UGT1A6: variants seen among roughly 807,000 people sequenced by gnomAD.
UGT1A6 encodes UDP glucuronosyltransferase family 1 member A6, also known as UDP-glucuronosyltransferase 1A6.
UGT1A6 carries 32 observed loss-of-function variants against 44.4 expected under a neutral mutation model. That is an observed-to-expected ratio of 0.72 (90% CI 0.54 to 0.97). The LOEUF (loss-of-function observed/expected upper bound fraction) is 0.97, where lower values mean the gene tolerates loss of function less well. Ranked by LOEUF, UGT1A6 falls within the 50% of genes least tolerant of loss-of-function variation. UGT1A6 has a pLI of 0.00. For synonymous variants in UGT1A6, 238 were observed against 248.5 expected (o/e 0.96, Z 0.40); for missense variants, 685 against 661.9 (o/e 1.03, Z -0.38).
At chr2:233,719,060 T>C in intron 1 of UGT1A6, 1 of 1,614,258 alleles carries the variant, frequency 6.2e-7, no homozygotes, top group East Asian at 2.2e-5. Flanking sequence ...TGACAGCCTA[T>C]GCTGTTCCAT....
At chr2:233,699,885 G>A (rs2075529887) in intron 1 of UGT1A6, among the ~76,000 whole-genome samples, 1 of 152,260 alleles carries the variant, frequency 6.6e-6, no homozygotes, top group South Asian at 2.1e-4. Flanking sequence ...TGTTGCAATT[G>A]GAGAGGCGAA....
chr2:233,761,077 T>A, intron 1 of UGT1A6: 1 of 1,614,202 alleles, frequency 6.2e-7, no homozygotes, highest in Non-Finnish European at 8.5e-7. Flanking sequence ...TGTGAAGGAT[T>A]ACCCTAGGCC....
chr2:233,715,509 C>G (rs991063274), intron 1 of UGT1A6, among the ~76,000 whole-genome samples: 3 of 152,138 alleles, frequency 2.0e-5, no homozygotes, highest in African/African-American at 7.2e-5. Context: ...GGGTAGCTCA[C>G]ACCTGTAATT....
chr2:233,720,944 CAT>C (rs1354366294), intron 1 of UGT1A6, among the ~76,000 whole-genome samples: 52 of 150,934 alleles, frequency 3.4e-4, no homozygotes, highest in African/African-American at 1.1e-3. Flanking sequence ...CTCCTGACCT[CAT>C]GTGATCTGCC....
intron 1 of UGT1A6, chr2:233,729,105 G>A (rs779665217): frequency 1.9e-6 from 3 of 1,612,662 alleles, no homozygotes; most frequent in East Asian, 4.5e-5. Context: ...TGGACAGTCA[G>A]CTGTCCGTGT....
chr2:233,744,239 T>C (rs1275088982), intron 1 of UGT1A6, among the ~76,000 whole-genome samples: 1 of 151,842 alleles, frequency 6.6e-6, no homozygotes, highest in Non-Finnish European at 1.5e-5. Flanking sequence ...GCCTTGACTT[T>C]GGCTGCCTGA....
intron 1 of UGT1A6, among the ~76,000 whole-genome samples, chr2:233,745,315 A>G (rs1693069084): frequency 2.0e-5 from 3 of 151,844 alleles, no homozygotes; most frequent in African/African-American, 4.9e-5. Flanking sequence ...GATTATTTCC[A>G]CTAGAACTGC....
At chr2:233,726,567 G>A (rs142621262) in intron 1 of UGT1A6, among the ~76,000 whole-genome samples, 285 of 152,062 alleles carry the variant, frequency 1.9e-3, no homozygotes, top group African/African-American at 5.9e-3. Context: ...CCACTCTTAC[G>A]CCTGTCTCCT....
chr2:233,713,358 A>T, intron 1 of UGT1A6: 1 of 1,614,168 alleles, frequency 6.2e-7, no homozygotes, highest in Non-Finnish European at 8.5e-7. Context: ...TATGTCTTTG[A>T]TCATACATAG....
intron 1 of UGT1A6, among the ~76,000 whole-genome samples, chr2:233,731,009 C>T (rs868145572): frequency 3.3e-5 from 5 of 152,260 alleles, no homozygotes; most frequent in Middle Eastern, 3.4e-3. Flanking sequence ...CCATGTACAT[C>T]GTGAGAGAAT....
chr2:233,760,873 C>G, intron 1 of UGT1A6: 1 of 1,614,194 alleles, frequency 6.2e-7, no homozygotes, highest in South Asian at 1.1e-5. Context: ...CGTGCCCAGG[C>G]CTCTCTCCTC....
chr2:233,766,265 G>A (rs1699086397), intron 1 of UGT1A6, among the ~76,000 whole-genome samples: 1 of 67,776 alleles, frequency 1.5e-5, no homozygotes, highest in Admixed American at 1.4e-4. Flanking sequence ...TCAGTGGCCC[G>A]GGCTCGGTGG....
At chr2:233,699,564 G>T (rs757695446) in intron 1 of UGT1A6, among the ~76,000 whole-genome samples, 1 of 152,214 alleles carries the variant, frequency 6.6e-6, no homozygotes, top group Admixed American at 6.5e-5. Context: ...CATGGCCAGA[G>T]CTCTGGCTCT....
chr2:233,714,641 A>G (rs2076402561), intron 1 of UGT1A6, among the ~76,000 whole-genome samples: 1 of 152,230 alleles, frequency 6.6e-6, no homozygotes. Flanking sequence ...ATTAATGTGA[A>G]TAATGCATTT....
chr2:233,756,673 G>A (rs542273174), intron 1 of UGT1A6, among the ~76,000 whole-genome samples: 1 of 152,146 alleles, frequency 6.6e-6, no homozygotes, highest in Non-Finnish European at 1.5e-5. Flanking sequence ...ATTTCCGCTA[G>A]AACTGCTATA....
chr2:233,693,620 T>C lies in UGT1A6; in HGVS notation c.616T>C (p.Ser206Pro). ...AAAGTTTTCAGACCACATGACTTTT[T>C]CCCAACGAGTGGCCAACTTCCTTGT... ...YTKFSDHMTF[S>P]QRVANFLVNL... The change falls in exon 1 of 5, where the codon TCC becomes CCC. Residue 206 changes from serine to proline, a missense_variant. By Grantham distance (74) the Ser-to-Pro change is moderately conservative. Transcript: ENST00000305139. 1 of 1,614,218 alleles carries C rather than the reference T, an allele frequency of 6.2e-7. No individual in the cohort carries two copies. Among genetic ancestry groups the C allele is most frequent in the Non-Finnish European group, 8.5e-7 (1 of 1,180,036 alleles).
At chr2:233,730,685 C>T (rs917184684) in intron 1 of UGT1A6, among the ~76,000 whole-genome samples, 1 of 152,042 alleles carries the variant, frequency 6.6e-6, no homozygotes, top group Admixed American at 6.6e-5. Flanking sequence ...GGTTGCATCT[C>T]AAATGATTCT....
intron 1 of UGT1A6, chr2:233,743,214 G>T (rs1433363859): frequency 4.9e-6 from 2 of 406,726 alleles, no homozygotes; most frequent in Non-Finnish European, 9.7e-6. Context: ...CGGAGTAACT[G>T]CTCTTTGCTA....
intron 1 of UGT1A6, among the ~76,000 whole-genome samples, chr2:233,739,419 C>T (rs1027033873): frequency 2.0e-5 from 3 of 152,176 alleles, no homozygotes; most frequent in African/African-American, 4.8e-5. Flanking sequence ...TGAAAGCAGC[C>T]AGGACGAGGG....
Sources: gnomAD v4.1 joint callset for allele counts (sites outside exome capture counted in the v4.1 genomes callset) on GRCh38, gnomAD v4.1.1 for gene constraint, MANE v1.5 for transcripts, NCBI Gene and HGNC (gene_info 2026-07-23, HGNC 2026-07-21) for gene names.